The following THADA variants were observed in gnomAD, a reference collection of about 807,000 sequenced individuals.
THADA encodes the protein tRNA (32-2'-O)-methyltransferase regulator THADA.
In THADA, 213 loss-of-function variants were observed where a neutral mutation model predicts 219.8. The observed-to-expected ratio is 0.97, with a 90% CI of 0.87 to 1.09. The LOEUF (loss-of-function observed/expected upper bound fraction) is 1.09. THADA is among the 50% of genes least tolerant of loss of function. The pLI is 0.00. For missense variants in THADA, 2,956 were observed against 2,311.3 expected (o/e 1.28, Z -5.72); for synonymous variants, 1,018 against 828.9 (o/e 1.23, Z -3.92).
chr2:43,399,471 C>G (rs1017086142), intron 28 of THADA, among the ~76,000 whole-genome samples: 1 of 152,132 alleles, frequency 6.6e-6, no homozygotes, highest in Non-Finnish European at 1.5e-5. Context: ...AACAGAAATA[C>G]AGATACAATT....
intron 22 of THADA, among the ~76,000 whole-genome samples, chr2:43,510,361 T>C (rs1276011656): frequency 1.3e-5 from 2 of 152,196 alleles, no homozygotes; most frequent in Non-Finnish European, 2.9e-5. Flanking sequence ...ATATATGTGA[T>C]ATACATATAC....
At chr2:43,379,829 T>C (rs1009595987) in intron 29 of THADA, among the ~76,000 whole-genome samples, 1 of 152,262 alleles carries the variant, frequency 6.6e-6, no homozygotes, top group African/African-American at 2.4e-5. Context: ...ACAAACTTGG[T>C]ATATCCATAA....
At chr2:43,474,053 T>A (rs570829068) in intron 26 of THADA, among the ~76,000 whole-genome samples, 2 of 152,294 alleles carry the variant, frequency 1.3e-5, no homozygotes, top group South Asian at 4.1e-4. Flanking sequence ...GGAACCATCG[T>A]CATATATGTG....
At chr2:43,540,210 C>T (rs1355126763) in intron 21 of THADA, among the ~76,000 whole-genome samples, 1 of 152,202 alleles carries the variant, frequency 6.6e-6, no homozygotes, top group Non-Finnish European at 1.5e-5. Flanking sequence ...GACACTGACG[C>T]CTATTTGATT....
At chr2:43,501,551 T>C (rs1161338328) in intron 24 of THADA, among the ~76,000 whole-genome samples, 1 of 152,042 alleles carries the variant, frequency 6.6e-6, no homozygotes, top group Non-Finnish European at 1.5e-5. Context: ...GGAACAGCAA[T>C]AGGACAAACA....
chr2:43,290,328 T>C (rs1674544396), intron 34 of THADA, among the ~76,000 whole-genome samples: 1 of 151,522 alleles, frequency 6.6e-6, no homozygotes, highest in Admixed American at 6.6e-5. Context: ...TCCATTCCTA[T>C]ACTCCCTCCA....
intron 31 of THADA, among the ~76,000 whole-genome samples, chr2:43,310,235 CCA>C (rs1677356725): frequency 7.9e-6 from 1 of 126,446 alleles, no homozygotes; most frequent in Non-Finnish European, 1.7e-5. Flanking sequence ...CGCCCCCCCC[CCA>C]AACAAGCTGA....
chr2:43,288,751 C>T (rs909841347), intron 34 of THADA, among the ~76,000 whole-genome samples: 1 of 152,202 alleles, frequency 6.6e-6, no homozygotes, highest in Non-Finnish European at 1.5e-5. Context: ...CGGTGATCAA[C>T]TCAACCTTCA....
chr2:43,531,991 G>GT lies in THADA; in HGVS notation c.3265-4004dup, dbSNP rs1189560445. The stretch of plus-strand genomic sequence containing the variant: ...GTGTAGGGTTTTTTTTTTGGTGTGT[G>GT]TTTTTTTTTAATCCTCTTTAAAATC... On this transcript the variant is annotated intron_variant, in intron 21 of 37. Coordinates refer to ENST00000405975, the MANE Select transcript of THADA (RefSeq NM_022065.5). 3.4e-5 allele frequency among the ~76,000 whole-genome samples: 5 copies of GT among 149,052 alleles called. No individual in the cohort carries two copies. In the South Asian group the frequency reaches 6.4e-4, roughly 19 times the overall value.
At chr2:43,405,220 A>C (rs968107876) in intron 28 of THADA, among the ~76,000 whole-genome samples, 2 of 152,186 alleles carry the variant, frequency 1.3e-5, no homozygotes, top group Non-Finnish European at 2.9e-5. Context: ...TATTATACTA[A>C]GATTTCTTTT....
intron 22 of THADA, among the ~76,000 whole-genome samples, chr2:43,517,459 C>T (rs933381953): frequency 1.3e-5 from 2 of 152,088 alleles, no homozygotes; most frequent in Admixed American, 1.3e-4. Flanking sequence ...CTTTATTTAC[C>T]AAACAATAGT....
At chr2:43,288,736 G>T (rs1674345584) in intron 34 of THADA, among the ~76,000 whole-genome samples, 1 of 152,102 alleles carries the variant, frequency 6.6e-6, no homozygotes, top group Non-Finnish European at 1.5e-5. Context: ...TAAATCATTG[G>T]ACATCGGTGA....
intron 20 of THADA, among the ~76,000 whole-genome samples, chr2:43,543,144 GAT>G (rs1212979764): frequency 3.5e-4 from 52 of 150,008 alleles, no homozygotes; most frequent in Non-Finnish European, 2.5e-4. Context: ...TTGTTCTTGC[GAT>G]AGTTTACTGA....
At chr2:43,550,878 T>A (rs958579545) in intron 19 of THADA, among the ~76,000 whole-genome samples, 3 of 152,240 alleles carry the variant, frequency 2.0e-5, no homozygotes, top group Middle Eastern at 6.8e-3. Flanking sequence ...GTAATCCCAA[T>A]GCTTTAAGAG....
At chr2:43,234,032 C>T (rs1572703576) in intron 36 of THADA, among the ~76,000 whole-genome samples, 1 of 152,214 alleles carries the variant, frequency 6.6e-6, no homozygotes, top group East Asian at 1.9e-4. Flanking sequence ...TCTGCAACAG[C>T]AGGCTTAGTT....
intron 24 of THADA, among the ~76,000 whole-genome samples, chr2:43,500,894 A>G (rs899568727): frequency 3.3e-5 from 5 of 152,216 alleles, no homozygotes; most frequent in Non-Finnish European, 7.3e-5. Flanking sequence ...AAGCACAATT[A>G]TAACCCAAAA....
At chr2:43,427,434 T>G (rs1399915403) in intron 28 of THADA, among the ~76,000 whole-genome samples, 3 of 151,160 alleles carry the variant, frequency 2.0e-5, no homozygotes, top group African/African-American at 7.3e-5. Flanking sequence ...ATAAGCACCT[T>G]ACTCTGAAAC....
intron 26 of THADA, 127 bp downstream of exon 26, chr2:43,485,106 TA>T: frequency 1.5e-6 from 1 of 660,114 alleles, no homozygotes; most frequent in South Asian, 2.2e-5. Context: ...GTTAATTCAT[TA>T]CAGTATTTTT....
At position 43,231,385 on chromosome 2, in the gene THADA, TG is replaced by T. The variant is rs1558436792; in HGVS notation, c.5467-43del. On this transcript the variant is annotated intron_variant, in intron 37 of 37. Transcript: ENST00000405975. The stretch of plus-strand genomic sequence containing the variant: ...AGCCGAAAGTCAGTCTTACAGGGAA[TG>T]GTGACAAGCCCCAGTCCAGACCAAG... 2.0e-6 allele frequency: 3 copies of T among 1,473,482 alleles called. No individual in the cohort carries two copies. In the African/African-American group the frequency reaches 4.2e-5, roughly 21 times the overall value. The allele number at this position is 1,473,482 out of a possible 1,614,324, so 91.3% of individuals were successfully genotyped here.
Sources: allele counts gnomAD v4.1 joint callset (sites outside exome capture counted in the v4.1 genomes callset), GRCh38; gene constraint gnomAD v4.1.1; transcripts MANE v1.5; gene names NCBI Gene and HGNC (gene_info 2026-07-23, HGNC 2026-07-21).